Variants in ZNF442 observed in about 807,000 individuals in gnomAD.
ZNF442 encodes the protein zinc finger protein 442.
ZNF442 carries 45 observed loss-of-function variants against 57.0 expected under a neutral mutation model. The observed-to-expected ratio is 0.79, with a 90% CI of 0.62 to 1.01. The LOEUF (loss-of-function observed/expected upper bound fraction) is 1.01, where lower values mean the gene tolerates loss of function less well. ZNF442 is among the 50% of genes least tolerant of loss of function. The probability of loss-of-function intolerance (pLI) is 0.00; values close to 1 mark genes in which losing one functional copy is unlikely to be tolerated. For synonymous variants in ZNF442, 213 were observed against 241.8 expected (o/e 0.88, Z 1.10); for missense variants, 690 against 756.5 (o/e 0.91, Z 1.03).
rs978486611 is a variant in ZNF442 at position 12,348,466 on chromosome 19, G to A, written c.*1235C>T. ...ATAACATGCCAACAAACACTGCAAG[G>A]ATATTTAAAGAAAAAGAACCAGCTT... On this transcript the variant is annotated 3_prime_UTR_variant, in exon 6 of 6. Transcript: ENST00000242804. 4 of 152,114 alleles carry A rather than the reference G, an allele frequency of 2.6e-5. No individual in the cohort carries two copies. Among genetic ancestry groups the A allele is most frequent in the African/African-American group, 9.7e-5 (4 of 41,396 alleles). 9.4% of individuals were successfully genotyped at this position (152,114 alleles called of 1,614,324 possible). A position where few individuals can be genotyped will look rare whatever the true frequency, so the allele number is the denominator to read the frequency against.
At chr19:12,361,210 T>A (rs1382312074) in intron 3 of ZNF442, among the ~76,000 whole-genome samples, 3 of 152,008 alleles carry the variant, frequency 2.0e-5, no homozygotes. Context: ...AAAAAATAAA[T>A]AAAACTAAAT....
At chr19:12,373,663 G>A in the ZNF442 span, 1 of 307,942 alleles carries the variant, frequency 3.2e-6, no homozygotes, top group Non-Finnish European at 6.6e-6. Flanking sequence ...CCGGAAATAT[G>A]GTCTCAATAT....
chr19:12,355,153 T>C (rs1028254619), intron 3 of ZNF442, among the ~76,000 whole-genome samples: 1 of 151,298 alleles, frequency 6.6e-6, no homozygotes, highest in Non-Finnish European at 1.5e-5. Context: ...TAGCCGGGCG[T>C]GGTGGCGGGC....
chr19:12,369,117 A>G (rs1969561008), upstream of ZNF442, among the ~76,000 whole-genome samples: 1 of 152,156 alleles, frequency 6.6e-6, no homozygotes, highest in African/African-American at 2.4e-5. Context: ...ATGGAACAAA[A>G]AAAAAAGGCA....
intron 3 of ZNF442, among the ~76,000 whole-genome samples, chr19:12,354,768 G>A (rs895449423): frequency 5.3e-5 from 8 of 152,082 alleles, no homozygotes; most frequent in Non-Finnish European, 1.0e-4. Context: ...TCAACTTAAC[G>A]CACAGTAAAT....
intron 3 of ZNF442, among the ~76,000 whole-genome samples, chr19:12,360,023 T>G (rs1969397528): frequency 6.6e-6 from 1 of 152,084 alleles, no homozygotes; most frequent in African/African-American, 2.4e-5. Context: ...TGCCCTCCCC[T>G]TCGCATCTTC....
Position 12,348,938 on chromosome 19 carries a change from T to C in ZNF442, c.*763A>G, listed in dbSNP as rs181619693. ...GCTCATGCCTGTAATCCCAGCACTT[T>C]GGGAGACCAAGGCAGGCAGATCATC... is the stretch of plus-strand genomic sequence containing the variant. On this transcript the variant is annotated 3_prime_UTR_variant, in exon 6 of 6. Coordinates refer to ENST00000242804, the MANE Select transcript of ZNF442 (RefSeq NM_030824.3). 12 of 147,986 alleles carry C rather than the reference T, an allele frequency of 8.1e-5. No individual in the cohort carries two copies. The Admixed American group carries it at 8.4e-4, about 10-fold the overall frequency. 9.2% of individuals were successfully genotyped at this position (147,986 alleles called of 1,614,324 possible).
chr19:12,365,661 C>T lies in ZNF442; in HGVS notation c.-611G>A, dbSNP rs1599596432. 2 of 225,912 alleles carry T rather than the reference C, an allele frequency of 8.9e-6. No homozygotes were observed. The highest frequency in any genetic ancestry group is 2.1e-4 in the East Asian group (2 of 9,398). The allele number at this position is 225,912 out of a possible 1,614,324, so 14.0% of individuals were successfully genotyped here. On this transcript the variant is annotated 5_prime_UTR_variant, in exon 1 of 6. Transcript: ENST00000242804. ...TCAGCTACAGAGCCAGGAGCGGGAG[C>T]TCAGAGGGGTGTAGAAAGCTCCACC...
chr19:12,364,100 A>G (rs564367293), intron 2 of ZNF442, among the ~76,000 whole-genome samples: 3 of 152,176 alleles, frequency 2.0e-5, no homozygotes, highest in Non-Finnish European at 4.4e-5. Flanking sequence ...TGAAATGTTC[A>G]GGAACACAAA....
chr19:12,366,195 A>T (rs1969527940), upstream of ZNF442, among the ~76,000 whole-genome samples: 1 of 152,236 alleles, frequency 6.6e-6, no homozygotes, highest in Non-Finnish European at 1.5e-5. Context: ...ATAAAAACAC[A>T]TCAACAATGA....
chr19:12,370,056 T>C (rs557208313), upstream of ZNF442, among the ~76,000 whole-genome samples: 59 of 152,104 alleles, frequency 3.9e-4, no homozygotes, highest in African/African-American at 1.4e-3. Context: ...TTCCATGTAC[T>C]GGAGTGGGGA....
At chr19:12,368,200 C>A (rs187065974), upstream of ZNF442, among the ~76,000 whole-genome samples, 9 of 152,232 alleles carry the variant, frequency 5.9e-5, no homozygotes, top group African/African-American at 2.2e-4. Context: ...GTTTTACAAA[C>A]AATTTGTACA....
chr19:12,362,555 T>C (rs185868617), intron 3 of ZNF442, among the ~76,000 whole-genome samples: 7,023 of 148,108 alleles, frequency 0.047, 532 homozygotes, highest in African/African-American at 0.17. Flanking sequence ...GGGGGACAGC[T>C]CCCGCCCGGC....
At chr19:12,357,999 G>T (rs1969362246) in intron 3 of ZNF442, among the ~76,000 whole-genome samples, 1 of 141,842 alleles carries the variant, frequency 7.1e-6, no homozygotes, top group Non-Finnish European at 1.5e-5. Context: ...GTTTCGCTCT[G>T]TCGCCCAGGC....
At position 12,350,067 on chromosome 19, in the gene ZNF442, A is replaced by G. The variant is rs1247969475; in HGVS notation, c.1518T>C (p.His506=). ...AFSCFTYLSQ[H]RRTHMAEKPY... is the part of the protein sequence containing the mutation. The stretch of plus-strand genomic sequence containing the variant: ...GTTTTTCAGCCATGTGAGTCCTTCT[A>G]TGTTGAGAAAGGTATGTGAAACAAC... The change falls in exon 6 of 6, where the codon CAT becomes CAC. Residue 506 remains histidine (H), a synonymous_variant. Coordinates refer to ENST00000242804, the MANE Select transcript of ZNF442 (RefSeq NM_030824.3). 3 of 1,613,994 alleles carry G rather than the reference A, an allele frequency of 1.9e-6. No homozygotes were observed. Among genetic ancestry groups the G allele is most frequent in the East Asian group, 2.2e-5 (1 of 44,862 alleles).
At chr19:12,353,401 G>T (rs1311445106) in intron 3 of ZNF442, among the ~76,000 whole-genome samples, 6 of 152,012 alleles carry the variant, frequency 3.9e-5, no homozygotes, top group Admixed American at 2.0e-4. Context: ...CTTTATAGTG[G>T]GTCTGTATTT....
At chr19:12,362,537 C>G (rs1413030005) in intron 3 of ZNF442, among the ~76,000 whole-genome samples, 1 of 151,372 alleles carries the variant, frequency 6.6e-6, no homozygotes, top group Admixed American at 6.6e-5. Context: ...CCGCCCCCTC[C>G]AGGAGGTGGG....
intron 2 of ZNF442, among the ~76,000 whole-genome samples, chr19:12,364,407 C>CAAAAAAAAAAAAAAAAAA (rs35227073): frequency 1.1e-5 from 1 of 93,148 alleles, no homozygotes; most frequent in African/African-American, 4.0e-5. Flanking sequence ...AACTCCATCT[C>CAAAAAAAAAAAAAAAAAA]AAAAAAAAAA....
intron 1 of ZNF442, 81 bp downstream of exon 1, chr19:12,365,452 C>A: frequency 2.8e-6 from 1 of 356,936 alleles, no homozygotes; most frequent in Non-Finnish European, 5.3e-6. Context: ...GCGGGGACGC[C>A]CGGGTCCCGC....
Sources: gnomAD v4.1 joint callset for allele counts (sites outside exome capture counted in the v4.1 genomes callset) on GRCh38, gnomAD v4.1.1 for gene constraint, MANE v1.5 for transcripts, NCBI Gene and HGNC (gene_info 2026-07-23, HGNC 2026-07-21) for gene names.